Variants in ANXA10 observed in about 807,000 individuals in gnomAD.
ANXA10 encodes annexin 14.
Under a neutral mutation model 53.5 loss-of-function variants are expected in ANXA10, and 49 were observed. The ratio of observed to expected loss-of-function variants is 0.92; its 90% CI spans 0.73 to 1.16. The LOEUF is 1.16. ANXA10 is among the 50% of genes most tolerant of loss of function. The pLI, the probability that ANXA10 is intolerant of heterozygous loss-of-function variation, is 0.00. For synonymous variants in ANXA10, 131 were observed against 128.9 expected, an observed-to-expected ratio of 1.02 and a Z score of -0.11; for missense variants, 393 against 394.4, an observed-to-expected ratio of 1.00 and a Z score of 0.03.
chr4:168,159,420 ATCT>A lies in ANXA10; in HGVS notation c.196-3104_196-3102del, dbSNP rs577815083. On this transcript the variant is annotated intron_variant, in intron 3 of 11. Transcript: ENST00000359299. ...CTGGCCAGATAAGGTAAATTGAGAA[ATCT>A]TCTATCATCCACTAATTTCTTCAAT... 2.7e-3 allele frequency among the ~76,000 whole-genome samples: 416 copies of A among 152,282 alleles called. 2 individuals are homozygous for A. The highest frequency in any genetic ancestry group is 0.018 in the South Asian group (89 of 4,814).
At chr4:168,119,196 G>C (rs910333865) in intron 1 of ANXA10, among the ~76,000 whole-genome samples, 1 of 152,206 alleles carries the variant, frequency 6.6e-6, no homozygotes, top group Non-Finnish European at 1.5e-5. Flanking sequence ...AAAATGATAT[G>C]ACACAGTGAA....
At chr4:168,179,660 GC>G (rs1732202068) in intron 9 of ANXA10, among the ~76,000 whole-genome samples, 1 of 152,152 alleles carries the variant, frequency 6.6e-6, no homozygotes. Context: ...TTGTCCAAGA[GC>G]CGATAAATAC....
intron 1 of ANXA10, among the ~76,000 whole-genome samples, chr4:168,113,980 T>G (rs1426616727): frequency 6.6e-6 from 1 of 152,236 alleles, no homozygotes; most frequent in Non-Finnish European, 1.5e-5. Context: ...TTTCAGTTTA[T>G]AACCTTTCTC....
At chr4:168,120,745 T>C (rs935715525) in intron 1 of ANXA10, among the ~76,000 whole-genome samples, 1 of 151,366 alleles carries the variant, frequency 6.6e-6, no homozygotes, top group African/African-American at 2.4e-5. Context: ...AATGACTTAA[T>C]GTTAATGTTT....
Position 168,187,419 on chromosome 4 carries a change from T to G in ANXA10, c.960T>G (p.Asp320Glu). 1.3e-6 allele frequency: 2 copies of G among 1,594,852 alleles called. No individual in the cohort carries two copies. Among genetic ancestry groups the G allele is most frequent in the Non-Finnish European group, 1.7e-6 (2 of 1,169,038 alleles). ...KKALLAICAG[D>E]AEDY The stretch of plus-strand genomic sequence containing the variant: ...CACTGCTTGCCATCTGTGCTGGTGA[T>G]GCTGAGGACTACTAAAATGAAGAGG... Residue 320 changes from aspartate to glutamate, a missense_variant, in exon 12 of 12, where the codon GAT (aspartate) becomes GAG (glutamate). Coordinates refer to ENST00000359299, the MANE Select transcript of ANXA10 (RefSeq NM_007193.5).
intron 3 of ANXA10, 91 bp from the exon 4 acceptor site, chr4:168,162,437 A>G (rs1731801612): frequency 3.4e-6 from 3 of 879,500 alleles, no homozygotes; most frequent in East Asian, 5.2e-5. Context: ...ATGACATGGA[A>G]AAGAAAATAT....
At chr4:168,118,533 G>A (rs537548017) in intron 1 of ANXA10, among the ~76,000 whole-genome samples, 9 of 152,276 alleles carry the variant, frequency 5.9e-5, no homozygotes, top group African/African-American at 2.2e-4. Context: ...GATGGCACTA[G>A]TAGTGTTCTG....
At chr4:168,100,539 C>T (rs554743796) in intron 1 of ANXA10, among the ~76,000 whole-genome samples, 1 of 152,068 alleles carries the variant, frequency 6.6e-6, no homozygotes, top group East Asian at 1.9e-4. Flanking sequence ...GTATGGGGTG[C>T]TCTTCAAAGT....
rs79318985 is a variant in ANXA10, at chr4:168,095,109, C to T, written c.18+2391C>T. On this transcript the variant is annotated intron_variant, in intron 1 of 11. Coordinates refer to ENST00000359299, the MANE Select transcript of ANXA10 (RefSeq NM_007193.5). ...TACTATACAGTGTACTTGCCCAAGTCAGGATCTAAACCCAGGTATCTCTAC... is the reference window on the plus strand; with the variant it reads ...TACTATACAGTGTACTTGCCCAAGTTAGGATCTAAACCCAGGTATCTCTAC... Among the ~76,000 whole-genome samples the T allele has an allele frequency of 9.2e-3, 1,406 of 152,090 alleles. 19 individuals carry two copies. The highest frequency in any genetic ancestry group is 0.032 in the African/African-American group (1,321 of 41,526).
chr4:168,154,719 T>C (rs1345508443), intron 3 of ANXA10, among the ~76,000 whole-genome samples: 1 of 152,174 alleles, frequency 6.6e-6, no homozygotes, highest in African/African-American at 2.4e-5. Flanking sequence ...GCTATGTTCA[T>C]CACTTTGGTC....
At chr4:168,168,622 T>C (rs1358058570) in intron 6 of ANXA10, among the ~76,000 whole-genome samples, 2 of 152,142 alleles carry the variant, frequency 1.3e-5, no homozygotes, top group African/African-American at 4.8e-5. Flanking sequence ...GGTTTCACCA[T>C]GTTGGCCAGG....
At chr4:168,116,814 G>A (rs1730902436) in intron 1 of ANXA10, among the ~76,000 whole-genome samples, 1 of 152,106 alleles carries the variant, frequency 6.6e-6, no homozygotes, top group Non-Finnish European at 1.5e-5. Context: ...AAGTAGGGAT[G>A]TGTTTGAGCC....
At chr4:168,149,326 C>T (rs1053644802) in intron 3 of ANXA10, among the ~76,000 whole-genome samples, 14 of 152,196 alleles carry the variant, frequency 9.2e-5, no homozygotes, top group Non-Finnish European at 1.8e-4. Context: ...TATTTCTTGT[C>T]CACATATGTA....
At chr4:168,105,963 A>G (rs1387402908) in intron 1 of ANXA10, among the ~76,000 whole-genome samples, 1 of 151,954 alleles carries the variant, frequency 6.6e-6, no homozygotes, top group African/African-American at 2.4e-5. Context: ...GGAGTGTTTC[A>G]CACATACTCC....
At chr4:168,161,479 G>T (rs1382703947) in intron 3 of ANXA10, among the ~76,000 whole-genome samples, 3 of 152,144 alleles carry the variant, frequency 2.0e-5, no homozygotes, top group African/African-American at 4.8e-5. Context: ...ATTATAGTTT[G>T]CAGTTGGGTA....
intron 2 of ANXA10, among the ~76,000 whole-genome samples, chr4:168,131,396 T>C (rs987411427): frequency 6.6e-6 from 1 of 151,996 alleles, no homozygotes; most frequent in Non-Finnish European, 1.5e-5. Flanking sequence ...AAGAATGTGG[T>C]CTATTTTGGT....
intron 2 of ANXA10, among the ~76,000 whole-genome samples, chr4:168,129,220 G>A (rs1431284033): frequency 1.3e-5 from 2 of 152,056 alleles, no homozygotes; most frequent in Admixed American, 1.3e-4. Context: ...GTATCCCATA[G>A]GAAAACAATA....
At chr4:168,112,395 C>G (rs1364189419) in intron 1 of ANXA10, among the ~76,000 whole-genome samples, 1 of 152,048 alleles carries the variant, frequency 6.6e-6, no homozygotes, top group African/African-American at 2.4e-5. Flanking sequence ...GAAACAAACA[C>G]CTTATGACTA....
At chr4:168,131,866 ATC>A (rs1731161023) in intron 2 of ANXA10, among the ~76,000 whole-genome samples, 1 of 151,926 alleles carries the variant, frequency 6.6e-6, no homozygotes, top group Non-Finnish European at 1.5e-5. Flanking sequence ...TTTACTTTTA[ATC>A]TCTCTGTGTC....
Sources: allele counts gnomAD v4.1 joint callset (sites outside exome capture counted in the v4.1 genomes callset), GRCh38; gene constraint gnomAD v4.1.1; transcripts MANE v1.5; gene names NCBI Gene and HGNC (gene_info 2026-07-23, HGNC 2026-07-21).